The following CSMD3 variants were observed in gnomAD, a reference collection of about 807,000 sequenced individuals.
CSMD3 encodes the protein CUB and sushi domain-containing protein 3.
CSMD3 carries 177 observed loss-of-function variants against 435.2 expected under a neutral mutation model. The observed-to-expected ratio is 0.41, with a 90% confidence interval of 0.36 to 0.46. The LOEUF is 0.46. Ranked by LOEUF, CSMD3 falls within the 20% of genes least tolerant of loss-of-function variation. The pLI is 0.34. For missense variants in CSMD3, 4,265 were observed against 4,504.6 expected, an observed-to-expected ratio of 0.95 and a Z score of 1.52; for synonymous variants, 1,656 against 1,520.5, an observed-to-expected ratio of 1.09 and a Z score of -2.07.
intron 22 of CSMD3, among the ~76,000 whole-genome samples, chr8:112,627,423 T>C (rs916250599): frequency 5.3e-5 from 8 of 152,120 alleles, no homozygotes; most frequent in African/African-American, 1.9e-4. Context: ...AGTCTCACTC[T>C]TGCAATTGCT....
intron 13 of CSMD3, among the ~76,000 whole-genome samples, chr8:112,741,157 T>C (rs1260564249): frequency 2.0e-5 from 3 of 151,876 alleles, no homozygotes; most frequent in South Asian, 2.1e-4. Context: ...ATATGATGTG[T>C]CATCAAGAAG....
chr8:112,971,576 A>T (rs2084660347), intron 7 of CSMD3, among the ~76,000 whole-genome samples: 1 of 152,192 alleles, frequency 6.6e-6, no homozygotes, highest in Non-Finnish European at 1.5e-5. Flanking sequence ...TGCAAATATA[A>T]AATTTTAGCT....
chr8:112,460,371 G>A (rs934119012), intron 32 of CSMD3, among the ~76,000 whole-genome samples: 1 of 151,762 alleles, frequency 6.6e-6, no homozygotes, highest in South Asian at 2.1e-4. Context: ...GAAGCAAAGG[G>A]GTTAAGTAAA....
At chr8:112,933,451 T>C (rs1210692073) in intron 9 of CSMD3, among the ~76,000 whole-genome samples, 1 of 152,090 alleles carries the variant, frequency 6.6e-6, no homozygotes, top group Non-Finnish European at 1.5e-5. Flanking sequence ...AAAGACATGG[T>C]CTTATATTTG....
chr8:112,555,058 T>C (rs1452995540), intron 25 of CSMD3, among the ~76,000 whole-genome samples: 1 of 151,934 alleles, frequency 6.6e-6, no homozygotes, highest in Non-Finnish European at 1.5e-5. Context: ...TGTCCAACTG[T>C]TTATAGCTGC....
At chr8:112,520,986 T>C (rs964544479) in intron 27 of CSMD3, among the ~76,000 whole-genome samples, 1 of 152,018 alleles carries the variant, frequency 6.6e-6, no homozygotes, top group South Asian at 2.1e-4. Flanking sequence ...GGCCTTGTTC[T>C]GTAAAAAGCC....
chr8:112,370,788 T>G lies in CSMD3; in HGVS notation c.6136+9564A>C, dbSNP rs79125420. On this transcript the variant is annotated intron_variant, in intron 38 of 70. Transcript: ENST00000297405. ...TTATATAGATTACTCCTTTATTATATTTTCACCTTTTATCTGTCTTCACCT... is the reference window on the plus strand; with the variant it reads ...TTATATAGATTACTCCTTTATTATAGTTTCACCTTTTATCTGTCTTCACCT... Among the ~76,000 whole-genome samples, 1,070 of 152,268 alleles carry G rather than the reference T, an allele frequency of 7.0e-3. 12 individuals carry two copies. Among genetic ancestry groups the G allele is most frequent in the African/African-American group, 0.024 (996 of 41,536 alleles).
intron 70 of CSMD3, among the ~76,000 whole-genome samples, chr8:112,225,216 T>C (rs1442238629): frequency 6.6e-6 from 1 of 152,064 alleles, no homozygotes; most frequent in Non-Finnish European, 1.5e-5. Context: ...AAATTAGAAA[T>C]TATTATGACT....
intron 1 of CSMD3, among the ~76,000 whole-genome samples, chr8:113,369,500 TC>T (rs1178860395): frequency 2.6e-5 from 4 of 151,924 alleles, no homozygotes; most frequent in Non-Finnish European, 4.4e-5. Context: ...GTATGAAGTT[TC>T]CTCATAAAAT....
chr8:113,315,219 T>C (rs1240554125), intron 1 of CSMD3, among the ~76,000 whole-genome samples: 1 of 152,206 alleles, frequency 6.6e-6, no homozygotes, highest in Non-Finnish European at 1.5e-5. Context: ...TCCATTTTTC[T>C]TGGCAACACA....
intron 59 of CSMD3, among the ~76,000 whole-genome samples, chr8:112,268,480 T>C (rs2130446055): frequency 6.6e-6 from 1 of 152,324 alleles, no homozygotes; most frequent in African/African-American, 2.4e-5. Flanking sequence ...TAAATGTGCA[T>C]TTTAAAATAA....
intron 32 of CSMD3, among the ~76,000 whole-genome samples, chr8:112,455,411 G>T (rs1011207856): frequency 5.9e-5 from 9 of 151,974 alleles, no homozygotes; most frequent in African/African-American, 2.2e-4. Context: ...CAGAAGGATG[G>T]GAACAAAGAG....
At chr8:113,248,167 A>G (rs1016220048) in intron 3 of CSMD3, among the ~76,000 whole-genome samples, 3 of 151,920 alleles carry the variant, frequency 2.0e-5, no homozygotes, top group Non-Finnish European at 4.4e-5. Flanking sequence ...GAGTGGTGAT[A>G]ATTTAATGAA....
intron 5 of CSMD3, among the ~76,000 whole-genome samples, chr8:113,034,838 T>C (rs1040795549): frequency 5.9e-5 from 9 of 152,032 alleles, no homozygotes; most frequent in African/African-American, 1.7e-4. Context: ...CTACCAGAGG[T>C]AGAATATTAC....
intron 70 of CSMD3, 64 bp from the exon 71 acceptor site, chr8:112,224,994 C>T (rs1288377451): frequency 1.4e-6 from 2 of 1,425,972 alleles, no homozygotes; most frequent in African/African-American, 1.4e-5. Context: ...GACTACAGCT[C>T]AAACATAATG....
rs184259161 is a variant in CSMD3 at position 112,451,682 on chromosome 8, G to A, written c.5395+20909C>T. Among the ~76,000 whole-genome samples the A allele has an allele frequency of 5.5e-3, 843 of 152,042 alleles. 6 individuals are homozygous for A. The highest frequency in any genetic ancestry group is 7.7e-3 in the Non-Finnish European group (525 of 67,972). ...GCCTCCCAAGTACCTGGGATTACACGCATGTGCCACCATGCCCGGCTAATT... is the reference window on the plus strand; with the variant it reads ...GCCTCCCAAGTACCTGGGATTACACACATGTGCCACCATGCCCGGCTAATT... On this transcript the variant is annotated intron_variant, in intron 32 of 70. Coordinates refer to ENST00000297405, the MANE Select transcript of CSMD3 (RefSeq NM_198123.2).
At chr8:112,326,038 A>G (rs1218332673) in intron 45 of CSMD3, among the ~76,000 whole-genome samples, 1 of 152,188 alleles carries the variant, frequency 6.6e-6, no homozygotes, top group African/African-American at 2.4e-5. Context: ...TCACAAATAA[A>G]TAACATAAAT....
At chr8:112,901,949 G>T (rs2082117968) in intron 10 of CSMD3, among the ~76,000 whole-genome samples, 1 of 151,262 alleles carries the variant, frequency 6.6e-6, no homozygotes, top group Non-Finnish European at 1.5e-5. Flanking sequence ...ATGTAACATT[G>T]TTGAAGATTC....
At chr8:113,394,760 C>T (rs2094475633) in intron 1 of CSMD3, among the ~76,000 whole-genome samples, 1 of 151,910 alleles carries the variant, frequency 6.6e-6, no homozygotes, top group African/African-American at 2.4e-5. Context: ...AAGACATAGA[C>T]TCTGCATTCA....
Sources: allele counts gnomAD v4.1 joint callset (sites outside exome capture counted in the v4.1 genomes callset), GRCh38; gene constraint gnomAD v4.1.1; transcripts MANE v1.5; gene names NCBI Gene and HGNC (gene_info 2026-07-23, HGNC 2026-07-21).